The following RNF20 variants were observed in gnomAD, a reference collection of about 807,000 sequenced individuals.
RNF20 encodes the protein ring finger protein 20.
RNF20 carries 84 observed loss-of-function variants against 126.2 expected under a neutral mutation model. That is an observed-to-expected ratio of 0.67 (90% CI 0.56 to 0.80). The LOEUF (loss-of-function observed/expected upper bound fraction) is 0.80, where lower values mean the gene tolerates loss of function less well. RNF20 is among the 30% of genes least tolerant of loss of function. The pLI is 0.00. For synonymous variants in RNF20, 400 were observed against 414.3 expected (o/e 0.97, Z 0.42); for missense variants, 869 against 1,188.2 (o/e 0.73, Z 3.95).
Position 101,561,055 on chromosome 9 carries a change from T to A in RNF20, c.2509-35T>A, listed in dbSNP as rs765236127. 17 of 1,610,044 alleles carry A rather than the reference T, an allele frequency of 1.1e-5. No individual in the cohort carries two copies. In the Admixed American group the frequency reaches 2.9e-4, roughly 27 times the overall value. Reference sequence around the variant, plus strand: ...TTGCCTCACTGGCAATAATAGGTGATACAATGGTGTCACTTATTTGTACAT... The same window carrying A: ...TTGCCTCACTGGCAATAATAGGTGAAACAATGGTGTCACTTATTTGTACAT... On this transcript the variant is annotated intron_variant, in intron 17 of 19. Transcript: ENST00000389120.
intron 2 of RNF20, 67 bp downstream of exon 2, chr9:101,535,619 C>A: frequency 6.5e-7 from 1 of 1,547,118 alleles, no homozygotes; most frequent in Non-Finnish European, 8.8e-7. Context: ...ACTAAAAATT[C>A]ATGGAAGCTT....
chr9:101,557,690 TG>T, intron 16 of RNF20, 94 bp downstream of exon 16: 5 of 984,580 alleles, frequency 5.1e-6, no homozygotes, highest in Non-Finnish European at 7.5e-6. Context: ...GGCACATTTT[TG>T]TGATTGGAAA....
intron 5 of RNF20, 33 bp downstream of exon 5, chr9:101,541,008 G>A: frequency 6.4e-7 from 1 of 1,560,118 alleles, no homozygotes; most frequent in Non-Finnish European, 8.8e-7. Context: ...GGGAGTAGTG[G>A]AGGAGGAATA....
Position 101,562,353 on chromosome 9 carries a change from C to G in RNF20, c.2859C>G (p.Arg953=). 1 of 1,614,036 alleles carries G rather than the reference C, an allele frequency of 6.2e-7. No individual in the cohort carries two copies. The change falls in exon 20 of 20, where the codon CGC becomes CGG. Residue 953 remains arginine (R), a synonymous_variant. Coordinates refer to ENST00000389120, the MANE Select transcript of RNF20 (RefSeq NM_019592.7). ...GTGTGAAGACACGCTATGACACCCG[C>G]CAGCGCAAATGTCCCAAGTGTAATG... The part of the protein sequence containing the change: ...FECVKTRYDT[R]QRKCPKCNAA...
chr9:101,540,416 G>A (rs1267973054), intron 3 of RNF20, 46 bp downstream of exon 3: 2 of 1,612,642 alleles, frequency 1.2e-6, no homozygotes, highest in Non-Finnish European at 1.7e-6. Context: ...GACCAATTTA[G>A]TTCTCCTTAC....
Position 101,535,448 on chromosome 9 carries a change from G to A in RNF20, c.25G>A (p.Ala9Thr), listed in dbSNP as rs1263865535. Residue 9 changes from alanine (A) to threonine (T), a missense_variant, in exon 2 of 20, where the codon GCA (alanine) becomes ACA (threonine). Ala to Thr is a moderately conservative substitution (Grantham distance 58). Coordinates refer to ENST00000389120, the MANE Select transcript of RNF20 (RefSeq NM_019592.7). Reference protein sequence around the residue: MSGIGNKRAAGEPGTSMPP... With the variant: MSGIGNKRTAGEPGTSMPP... The stretch of plus-strand genomic sequence containing the variant: ...AATGTCAGGAATTGGAAATAAAAGA[G>A]CAGCTGGAGAACCTGGCACCTCCAT... 3.1e-6 allele frequency: 5 copies of A among 1,613,194 alleles called. No individual in the cohort carries two copies. Among genetic ancestry groups the A allele is most frequent in the Non-Finnish European group, 4.2e-6 (5 of 1,179,788 alleles).
At chr9:101,535,154 G>T (rs1383191516) in intron 1 of RNF20, among the ~76,000 whole-genome samples, 1 of 151,644 alleles carries the variant, frequency 6.6e-6, no homozygotes, top group Non-Finnish European at 1.5e-5. Context: ...TGATCCGCCC[G>T]CCTCGGCCTC....
intron 6 of RNF20, among the ~76,000 whole-genome samples, chr9:101,545,676 C>T (rs1242440170): frequency 6.6e-6 from 1 of 152,138 alleles, no homozygotes; most frequent in African/African-American, 2.4e-5. Context: ...ATGGATTATC[C>T]TGGACCTTCA....
chr9:101,553,368 T>G (rs1045092872), intron 13 of RNF20, among the ~76,000 whole-genome samples: 15 of 152,338 alleles, frequency 9.8e-5, no homozygotes, highest in African/African-American at 3.6e-4. Flanking sequence ...GTTGATCCTT[T>G]GTTGATGTTT....
At position 101,540,341 on chromosome 9, in the gene RNF20, C is replaced by T. The variant is rs763754698; in HGVS notation, c.268C>T (p.Leu90=). 33 of 1,614,070 alleles carry T rather than the reference C, an allele frequency of 2.0e-5. No individual in the cohort carries two copies. The highest frequency in any genetic ancestry group is 2.2e-5 in the East Asian group (1 of 44,892). The change falls in exon 3 of 20, where the codon CTA becomes TTA. Residue 90 remains leucine, a synonymous_variant. Coordinates refer to ENST00000389120, the MANE Select transcript of RNF20 (RefSeq NM_019592.7). ...ACGACAGGCCACTGATGATGCCTCA[C>T]TATTGATTGTCAACCGATACTGGAG... ...ERRQATDDAS[L]LIVNRYWSQF...
rs545676857 is a variant in RNF20, at chr9:101,547,450, C to T, written c.1024C>T (p.Arg342Cys). 1.2e-5 allele frequency: 20 copies of T among 1,614,092 alleles called. No individual in the cohort carries two copies. Among genetic ancestry groups the T allele is most frequent in the Admixed American group, 3.3e-5 (2 of 60,008 alleles). ...GGAGAACAAAGAGTTGGCTCAGAAC[C>T]GTCTCTGTGAGCTGGAGAAACTTCG... ...LEENKELAQN[R>C]LCELEKLRQD... The change falls in exon 9 of 20, where the codon CGT becomes TGT. Residue 342 changes from arginine to cysteine, a missense_variant. Arg to Cys is a radical substitution (Grantham distance 180). Coordinates refer to ENST00000389120, the MANE Select transcript of RNF20 (RefSeq NM_019592.7).
chr9:101,547,230 C>G lies in RNF20; in HGVS notation c.972+16C>G. ...TGCTCGGAAGGTAAAATCAGTGACTCAGGACATGTTTTGGACTGTATGTCA... is the reference window on the plus strand; with the variant it reads ...TGCTCGGAAGGTAAAATCAGTGACTGAGGACATGTTTTGGACTGTATGTCA... On this transcript the variant is annotated intron_variant, in intron 8 of 19. Transcript: ENST00000389120. 1 of 1,613,456 alleles carries G rather than the reference C, an allele frequency of 6.2e-7. No individual in the cohort carries two copies.
chr9:101,535,809 T>C (rs1827173755), intron 2 of RNF20, among the ~76,000 whole-genome samples: 1 of 152,220 alleles, frequency 6.6e-6, no homozygotes, highest in African/African-American at 2.4e-5. Flanking sequence ...ACATTAACTA[T>C]AGGTATTTAG....
chr9:101,560,752 CT>C (rs1212040369), intron 16 of RNF20, 48 bp from the exon 17 acceptor site: 5 of 1,537,716 alleles, frequency 3.3e-6, no homozygotes, highest in East Asian at 4.7e-5. Context: ...AGTTTTTTTT[CT>C]TTTTTTAATC....
At position 101,552,380 on chromosome 9, in the gene RNF20, C is replaced by T. The variant is rs1305877644; in HGVS notation, c.1531-3C>T. ...TGCATCTTTCTTTTCTTTATTCTCC[C>T]AGACACGCCTGCGTAGTGGTAGTGC... On this transcript the variant is annotated splice_polypyrimidine_tract_variant and splice_region_variant and intron_variant, in intron 12 of 19. Coordinates refer to ENST00000389120, the MANE Select transcript of RNF20 (RefSeq NM_019592.7). 6.2e-7 allele frequency: 1 copy of T among 1,605,328 alleles called. No homozygotes were observed. The highest frequency in any genetic ancestry group is 8.5e-7 in the Non-Finnish European group (1 of 1,174,390).
chr9:101,553,746 A>G (rs1827486052), intron 13 of RNF20, among the ~76,000 whole-genome samples: 1 of 152,186 alleles, frequency 6.6e-6, no homozygotes, highest in African/African-American at 2.4e-5. Context: ...TGTCTGTTTT[A>G]TAACTTTGTT....
intron 16 of RNF20, among the ~76,000 whole-genome samples, chr9:101,558,824 G>T (rs1457705486): frequency 2.0e-5 from 3 of 152,034 alleles, no homozygotes; most frequent in Non-Finnish European, 4.4e-5. Flanking sequence ...TGGATGTATA[G>T]ATTTTTTTCT....
intron 15 of RNF20, among the ~76,000 whole-genome samples, chr9:101,555,616 G>A (rs1827520054): frequency 6.6e-6 from 1 of 152,100 alleles, no homozygotes; most frequent in Admixed American, 6.5e-5. Flanking sequence ...GCCTTGAAAA[G>A]AAGAACTTCA....
At chr9:101,549,027 T>C (rs893519153) in intron 9 of RNF20, among the ~76,000 whole-genome samples, 3 of 152,166 alleles carry the variant, frequency 2.0e-5, no homozygotes, top group African/African-American at 7.2e-5. Context: ...TCTTAGGTTG[T>C]TAGTGTAGGG....
Sources: allele counts gnomAD v4.1 joint callset (sites outside exome capture counted in the v4.1 genomes callset), GRCh38; gene constraint gnomAD v4.1.1; transcripts MANE v1.5; gene names NCBI Gene and HGNC (gene_info 2026-07-23, HGNC 2026-07-21).